Variants in MTOR observed in about 807,000 individuals in gnomAD.
MTOR encodes serine/threonine-protein kinase mTOR.
In MTOR, 70 loss-of-function variants were observed where a neutral mutation model predicts 319.8. That is an observed-to-expected ratio of 0.22 (90% CI 0.18 to 0.27). The LOEUF (loss-of-function observed/expected upper bound fraction) is 0.27, where lower values mean the gene tolerates loss of function less well. Ranked by LOEUF, MTOR falls within the 10% of genes least tolerant of loss-of-function variation. The pLI, the probability that MTOR is intolerant of heterozygous loss-of-function variation, is 1.00. For missense variants in MTOR, 1,890 were observed against 3,274.4 expected (o/e 0.58, Z 10.32); for synonymous variants, 1,183 against 1,211.4 (o/e 0.98, Z 0.49).
chr1:11,246,005 T>C (rs1648764188), intron 8 of MTOR, among the ~76,000 whole-genome samples: 1 of 152,182 alleles, frequency 6.6e-6, no homozygotes, highest in Admixed American at 6.5e-5. Flanking sequence ...TCTTGGAGTA[T>C]TTTTTTATAT....
chr1:11,184,595 T>C (rs1021227074), intron 28 of MTOR, among the ~76,000 whole-genome samples: 4 of 152,024 alleles, frequency 2.6e-5, no homozygotes, highest in Non-Finnish European at 4.4e-5. Flanking sequence ...GGCAGGCGTG[T>C]TGGTGTGCGC....
rs989872411 is a variant in MTOR at position 11,194,802 on chromosome 1, G to A, written c.4253+4456C>T. 6.8e-6 allele frequency: 11 copies of A among 1,606,406 alleles called. No individual in the cohort carries two copies. The African/African-American group carries it at 1.2e-4, about 18-fold the overall frequency. On this transcript the variant is annotated intron_variant, in intron 28 of 57. Coordinates refer to ENST00000361445, the MANE Select transcript of MTOR (RefSeq NM_004958.4). ...CCCTGGCTCTAACTCCTTACCTGAT[G>A]TCTGGTCTATCACAGTCAACTTACT...
At position 11,212,512 on chromosome 1, in the gene MTOR, C is replaced by T; in HGVS notation, c.3399-38G>A. 1.3e-6 allele frequency: 2 copies of T among 1,597,946 alleles called. No homozygotes were observed. Among genetic ancestry groups the T allele is most frequent in the Non-Finnish European group, 1.7e-6 (2 of 1,172,328 alleles). On this transcript the variant is annotated intron_variant, in intron 22 of 57. Transcript: ENST00000361445. The surrounding 1 kb of genome is among the most constrained non-coding windows in gnomAD (Gnocchi z 4.1). ...CTAACATACAGTAACTGCTAACATACAATCTCCAAGGAAGAGACGTGACTG... is the reference window on the plus strand; with the variant it reads ...CTAACATACAGTAACTGCTAACATATAATCTCCAAGGAAGAGACGTGACTG...
intron 30 of MTOR, among the ~76,000 whole-genome samples, chr1:11,156,113 C>T (rs1479887074): frequency 1.3e-5 from 2 of 152,178 alleles, no homozygotes; most frequent in African/African-American, 4.8e-5. Context: ...GCCTCAGCCT[C>T]CCGAGTAGCT....
At chr1:11,120,651 C>T (rs1263956080) in intron 49 of MTOR, among the ~76,000 whole-genome samples, 4 of 152,032 alleles carry the variant, frequency 2.6e-5, no homozygotes, top group African/African-American at 9.7e-5. Flanking sequence ...TGCACCCAGC[C>T]AAAAACAACT....
intron 20 of MTOR, 28 bp downstream of exon 20, chr1:11,216,120 A>G: frequency 6.4e-7 from 1 of 1,553,488 alleles, no homozygotes; most frequent in Non-Finnish European, 8.9e-7. Context: ...CAAACATGGA[A>G]GAGGCCAAAG....
In MTOR at chr1:11,231,066, A is replaced by G. The variant is rs1557455066; in HGVS notation, c.2650-12T>C. 3 of 1,614,198 alleles carry G rather than the reference A, an allele frequency of 1.9e-6. No homozygotes were observed. In the East Asian group the frequency reaches 6.7e-5, roughly 36 times the overall value. On this transcript the variant is annotated splice_polypyrimidine_tract_variant and intron_variant, in intron 17 of 57. Coordinates refer to ENST00000361445, the MANE Select transcript of MTOR (RefSeq NM_004958.4). ...AACACACGGATGGCCTGCGTGGGAA[A>G]GGGGAGGGAAAAAAGAAAACATTCA... is the stretch of plus-strand genomic sequence containing the variant.
At chr1:11,254,279 A>G (rs143419686) in intron 5 of MTOR, among the ~76,000 whole-genome samples, 2 of 151,960 alleles carry the variant, frequency 1.3e-5, no homozygotes, top group African/African-American at 4.8e-5. Flanking sequence ...AGCTGAGATT[A>G]CAGGCACACA....
chr1:11,249,871 G>C (rs369279165), intron 6 of MTOR, among the ~76,000 whole-genome samples: 5 of 150,044 alleles, frequency 3.3e-5, no homozygotes, highest in Admixed American at 1.3e-4. Flanking sequence ...CCCCACCTTT[G>C]CCCCCTTTCT....
At position 11,188,395 on chromosome 1, in the gene MTOR, T is replaced by A. The variant is rs577968438; in HGVS notation, c.4253+10863A>T. Among the ~76,000 whole-genome samples the A allele has an allele frequency of 1.1e-4, 16 of 152,314 alleles. No individual in the cohort carries two copies. The South Asian group carries it at 3.1e-3, about 30-fold the overall frequency. On this transcript the variant is annotated intron_variant, in intron 28 of 57. Transcript: ENST00000361445. Reference sequence around the variant, plus strand: ...AAGTCATATACAAATAGAGGAGGAATAATTTCAAATTGCAAACCATACCAG... The same window carrying A: ...AAGTCATATACAAATAGAGGAGGAAAAATTTCAAATTGCAAACCATACCAG...
intron 19 of MTOR, among the ~76,000 whole-genome samples, chr1:11,216,648 T>A (rs1327785528): frequency 1.9e-5 from 2 of 105,334 alleles, no homozygotes; most frequent in Non-Finnish European, 4.5e-5. Flanking sequence ...TGAGACCCTG[T>A]CTCTTAAAAA....
intron 47 of MTOR, among the ~76,000 whole-genome samples, chr1:11,123,449 GC>G (rs1301080658): frequency 2.7e-5 from 4 of 145,526 alleles, no homozygotes; most frequent in Non-Finnish European, 4.5e-5. Flanking sequence ...GGGATTACAG[GC>G]GTGAGTCACT....
intron 6 of MTOR, among the ~76,000 whole-genome samples, chr1:11,250,218 G>T (rs1386047254): frequency 3.6e-5 from 3 of 82,808 alleles, no homozygotes; most frequent in Admixed American, 2.6e-4. Context: ...CTGGCCGGGC[G>T]GGGGGCTGAC....
intron 50 of MTOR, among the ~76,000 whole-genome samples, chr1:11,116,766 G>A (rs1172949679): frequency 5.3e-5 from 8 of 152,152 alleles, no homozygotes; most frequent in Non-Finnish European, 1.2e-4. Flanking sequence ...CAGGATGACA[G>A]GCATGAGCCA....
In MTOR at chr1:11,115,733, C is replaced by T. The variant is rs1642130356; in HGVS notation, c.7017-265G>A. ...ACCAAAGGGCCCACAAAGCCTAAAA[C>T]GACCTATTAACTGGTCCTTTACAGA... is the stretch of plus-strand genomic sequence containing the variant. On this transcript the variant is annotated intron_variant, in intron 50 of 57. Transcript: ENST00000361445. The surrounding 1 kb of genome is among the most constrained non-coding windows in gnomAD (Gnocchi z 4.5). The T allele has an allele frequency of 7.0e-6, 3 of 425,806 alleles. No homozygotes were observed. Among genetic ancestry groups the T allele is most frequent in the Non-Finnish European group, 8.7e-6 (2 of 230,750 alleles). The allele number at this position is 425,806 out of a possible 1,614,324, so 26.4% of individuals were successfully genotyped here. A position where few individuals can be genotyped will look rare whatever the true frequency, so the allele number is the denominator to read the frequency against.
intron 28 of MTOR, among the ~76,000 whole-genome samples, chr1:11,187,210 A>G (rs2100690398): frequency 6.6e-6 from 1 of 152,236 alleles, no homozygotes; most frequent in East Asian, 1.9e-4. Context: ...CTGCACTGTT[A>G]CATGAGAGTT....
chr1:11,184,570 A>C (rs1645254419), intron 28 of MTOR, among the ~76,000 whole-genome samples: 1 of 152,036 alleles, frequency 6.6e-6, no homozygotes, highest in Admixed American at 6.6e-5. Context: ...GTCTCTACAA[A>C]AAAATTTAAA....
chr1:11,126,371 C>T (rs754795125), intron 46 of MTOR, among the ~76,000 whole-genome samples: 12 of 152,208 alleles, frequency 7.9e-5, no homozygotes, highest in Non-Finnish European at 1.0e-4. Flanking sequence ...TACTTCTCTG[C>T]CTTGCATGCC....
Position 11,112,843 on chromosome 1 carries a change from T to G in MTOR, c.7366+9A>C. ...GAGAGCCTTTGCGACCTCCCGTGGA[T>G]GCACCTACCGACTGACTGGCCAGCA... On this transcript the variant is annotated intron_variant, in intron 54 of 57. Transcript: ENST00000361445. The G allele has an allele frequency of 6.2e-7, 1 of 1,614,192 alleles. No individual in the cohort carries two copies. Among genetic ancestry groups the G allele is most frequent in the Non-Finnish European group, 8.5e-7 (1 of 1,180,006 alleles).
Sources: gnomAD v4.1 joint callset for allele counts (sites outside exome capture counted in the v4.1 genomes callset) on GRCh38, gnomAD v4.1.1 for gene constraint, Gnocchi (gnomAD v3.1) non-coding constraint, MANE v1.5 for transcripts, NCBI Gene and HGNC (gene_info 2026-07-23, HGNC 2026-07-21) for gene names.